The following FHIT variants were observed in gnomAD, a reference collection of about 807,000 sequenced individuals.
FHIT encodes the protein bis(5'-adenosyl)-triphosphatase.
Under a neutral mutation model 17.9 loss-of-function variants are expected in FHIT, and 19 were observed. The observed-to-expected ratio is 1.06, with a 90% confidence interval of 0.74 to 1.56. The LOEUF (loss-of-function observed/expected upper bound fraction) is 1.56, where lower values mean the gene tolerates loss of function less well. FHIT is among the 40% of genes most tolerant of loss of function. The pLI is 0.00. For synonymous variants in FHIT, 81 were observed against 69.7 expected (o/e 1.16, Z -0.81); for missense variants, 248 against 189.2 (o/e 1.31, Z -1.82).
intron 3 of FHIT, among the ~76,000 whole-genome samples, chr3:60,949,425 C>T (rs1708782787): frequency 6.6e-6 from 1 of 152,152 alleles, no homozygotes; most frequent in Admixed American, 6.6e-5. Flanking sequence ...AAAAGAAACA[C>T]AACGCCAAGG....
chr3:60,334,776 C>T (rs374645708), intron 5 of FHIT, among the ~76,000 whole-genome samples: 3 of 152,062 alleles, frequency 2.0e-5, no homozygotes, highest in African/African-American at 4.8e-5. Flanking sequence ...GACGCCTGGG[C>T]GACAGAGAGA....
chr3:60,878,532 G>T (rs1192457266), intron 3 of FHIT, among the ~76,000 whole-genome samples: 1 of 151,470 alleles, frequency 6.6e-6, no homozygotes. Context: ...GGGTACATGT[G>T]CACAATGTGC....
At chr3:60,894,512 A>T (rs1215340683) in intron 3 of FHIT, among the ~76,000 whole-genome samples, 6 of 152,162 alleles carry the variant, frequency 3.9e-5, no homozygotes, top group Non-Finnish European at 8.8e-5. Context: ...AGACGCACAG[A>T]TACCCCTTGG....
intron 8 of FHIT, among the ~76,000 whole-genome samples, chr3:59,871,262 C>G (rs1702910339): frequency 6.6e-6 from 1 of 152,068 alleles, no homozygotes; most frequent in Non-Finnish European, 1.5e-5. Flanking sequence ...ATTTCTGAAG[C>G]CAGTGAGAGC....
intron 4 of FHIT, among the ~76,000 whole-genome samples, chr3:60,717,725 G>A (rs558662210): frequency 1.3e-5 from 2 of 152,256 alleles, no homozygotes; most frequent in South Asian, 2.1e-4. Flanking sequence ...CTGTCTTGGG[G>A]TTGAAAACAC....
intron 5 of FHIT, among the ~76,000 whole-genome samples, chr3:60,047,357 G>A (rs775875115): frequency 1.3e-5 from 2 of 152,164 alleles, no homozygotes; most frequent in Non-Finnish European, 2.9e-5. Flanking sequence ...ATCTCTCAGT[G>A]CTTCCAAATG....
rs568277722 is a variant in FHIT, at chr3:59,895,571, A to T, written c.348+26775T>A. Among the ~76,000 whole-genome samples the T allele has an allele frequency of 7.2e-5, 11 of 152,320 alleles. No homozygotes were observed. The South Asian group carries it at 2.1e-3, about 29-fold the overall frequency. On this transcript the variant is annotated intron_variant, in intron 8 of 9. Coordinates refer to ENST00000492590, the MANE Select transcript of FHIT (RefSeq NM_002012.4). Reference sequence around the variant, plus strand: ...CTTCATTCCCTATCTTCCCTAGAGAAGTAACTGATGCCACATCCAGAACCT... The same window carrying T: ...CTTCATTCCCTATCTTCCCTAGAGATGTAACTGATGCCACATCCAGAACCT...
intron 4 of FHIT, among the ~76,000 whole-genome samples, chr3:60,576,431 C>T (rs1460135784): frequency 6.6e-5 from 10 of 152,054 alleles, no homozygotes; most frequent in African/African-American, 2.4e-4. Flanking sequence ...GAAAGAAATG[C>T]AACCTGAAAA....
intron 5 of FHIT, among the ~76,000 whole-genome samples, chr3:60,035,212 A>G (rs987854470): frequency 3.9e-5 from 6 of 152,188 alleles, no homozygotes; most frequent in African/African-American, 1.4e-4. Flanking sequence ...GTGAGAAAAG[A>G]GAGTCAGACC....
At position 61,000,918 on chromosome 3, in the gene FHIT, A is replaced by G. The variant is rs148328461; in HGVS notation, c.-111+41129T>C. Among the ~76,000 whole-genome samples, 65 of 152,306 alleles carry G rather than the reference A, an allele frequency of 4.3e-4. No homozygotes were observed. The East Asian group carries it at 9.6e-3, about 23-fold the overall frequency. ...AGGCCATCCCAACCATATATCTGAC[A>G]AAGAATTACTATCTACAGTATATAA... On this transcript the variant is annotated intron_variant, in intron 3 of 9. Transcript: ENST00000492590.
At chr3:61,247,768 T>C (rs1477824977) in intron 1 of FHIT, among the ~76,000 whole-genome samples, 1 of 152,190 alleles carries the variant, frequency 6.6e-6, no homozygotes, top group Non-Finnish European at 1.5e-5. Flanking sequence ...AGGCTTACAA[T>C]AACAAAAATA....
At chr3:60,767,046 T>C (rs1266670460) in intron 4 of FHIT, among the ~76,000 whole-genome samples, 1 of 152,220 alleles carries the variant, frequency 6.6e-6, no homozygotes, top group Non-Finnish European at 1.5e-5. Flanking sequence ...ATTTCCCACA[T>C]TTAACTCATC....
At chr3:60,389,220 A>C (rs1701129295) in intron 5 of FHIT, among the ~76,000 whole-genome samples, 1 of 152,146 alleles carries the variant, frequency 6.6e-6, no homozygotes, top group African/African-American at 2.4e-5. Context: ...TTATGTTAGA[A>C]ACTCTGGAGC....
chr3:61,065,198 G>T (rs2034559529), intron 2 of FHIT, among the ~76,000 whole-genome samples: 1 of 151,938 alleles, frequency 6.6e-6, no homozygotes, highest in Non-Finnish European at 1.5e-5. Context: ...GAAAGTTTGA[G>T]TTTTCACAGT....
intron 4 of FHIT, among the ~76,000 whole-genome samples, chr3:60,743,548 A>C (rs1278925112): frequency 6.6e-6 from 1 of 152,212 alleles, no homozygotes. Context: ...CAAACATTTT[A>C]AACTTGGATG....
intron 5 of FHIT, among the ~76,000 whole-genome samples, chr3:60,100,332 T>G (rs1196708221): frequency 6.6e-6 from 1 of 151,870 alleles, no homozygotes; most frequent in African/African-American, 2.4e-5. Context: ...TGCACTGAGC[T>G]GAGATTGTGC....
intron 5 of FHIT, among the ~76,000 whole-genome samples, chr3:60,329,248 C>T (rs749775665): frequency 6.6e-6 from 1 of 151,804 alleles, no homozygotes; most frequent in Admixed American, 6.6e-5. Flanking sequence ...TAACATTTAT[C>T]GAAGCTTTTG....
At chr3:60,873,562 A>C (rs1285223155) in intron 3 of FHIT, among the ~76,000 whole-genome samples, 9 of 152,146 alleles carry the variant, frequency 5.9e-5, no homozygotes, top group African/African-American at 1.9e-4. Flanking sequence ...TCAGAAGTAC[A>C]CAAACCAACA....
At chr3:60,409,507 T>C (rs888467581) in intron 5 of FHIT, among the ~76,000 whole-genome samples, 1 of 152,200 alleles carries the variant, frequency 6.6e-6, no homozygotes, top group Non-Finnish European at 1.5e-5. Context: ...TGGATATTTA[T>C]AGCTGTAATG....
Sources: gnomAD v4.1 joint callset for allele counts (sites outside exome capture counted in the v4.1 genomes callset) on GRCh38, gnomAD v4.1.1 for gene constraint, MANE v1.5 for transcripts, NCBI Gene and HGNC (gene_info 2026-07-23, HGNC 2026-07-21) for gene names.